The following HTRA1 variants were observed in gnomAD, a reference collection of about 807,000 sequenced individuals.
HTRA1 encodes the protein HtrA serine peptidase 1.
HTRA1 carries 26 observed loss-of-function variants against 49.7 expected under a neutral mutation model. The observed-to-expected ratio is 0.52, with a 90% CI of 0.38 to 0.73. The LOEUF (loss-of-function observed/expected upper bound fraction) is 0.73, where lower values mean the gene tolerates loss of function less well. HTRA1 is among the 30% of genes least tolerant of loss of function. The probability of loss-of-function intolerance (pLI) is 0.00; values close to 1 mark genes in which losing one functional copy is unlikely to be tolerated. For missense variants in HTRA1, 561 were observed against 667.2 expected (o/e 0.84, Z 1.75); for synonymous variants, 291 against 286.9 (o/e 1.01, Z -0.14).
intron 1 of HTRA1, among the ~76,000 whole-genome samples, chr10:122,480,954 A>G (rs2097490724): frequency 6.6e-6 from 1 of 152,168 alleles, no homozygotes; most frequent in Non-Finnish European, 1.5e-5. Flanking sequence ...TAAGATTAAA[A>G]AAAGCTAACT....
chr10:122,480,997 C>G (rs1465705413), intron 1 of HTRA1, among the ~76,000 whole-genome samples: 2 of 152,104 alleles, frequency 1.3e-5, no homozygotes, highest in Non-Finnish European at 2.9e-5. Context: ...AAATGCCCCT[C>G]TCTCCTCCTC....
intron 1 of HTRA1, among the ~76,000 whole-genome samples, chr10:122,485,930 C>A (rs1264224822): frequency 2.0e-5 from 3 of 152,232 alleles, no homozygotes; most frequent in Non-Finnish European, 4.4e-5. Flanking sequence ...TCTGAGGAAG[C>A]CCAGATGCGT....
At chr10:122,471,283 G>A (rs1354523493) in intron 1 of HTRA1, among the ~76,000 whole-genome samples, 1 of 152,116 alleles carries the variant, frequency 6.6e-6, no homozygotes, top group Non-Finnish European at 1.5e-5. Flanking sequence ...AGCAGAAGAC[G>A]CACAGGAGGA....
rs953765734 is a variant in HTRA1 at position 122,508,521 on chromosome 10, G to A, written c.1006-135G>A. On this transcript the variant is annotated intron_variant, in intron 5 of 8. Coordinates refer to ENST00000368984, the MANE Select transcript of HTRA1 (RefSeq NM_002775.5). Reference sequence around the variant, plus strand: ...TGATGCCTCTCTCCCTGCTGCCACGGGGATCCCCTCCTTGCATCTCCCCAC... The same window carrying A: ...TGATGCCTCTCTCCCTGCTGCCACGAGGATCCCCTCCTTGCATCTCCCCAC... 10 of 754,944 alleles carry A rather than the reference G, an allele frequency of 1.3e-5. No homozygotes were observed. The African/African-American group carries it at 1.7e-4, about 13-fold the overall frequency. 46.8% of individuals were successfully genotyped at this position (754,944 alleles called of 1,614,324 possible). A position where few individuals can be genotyped will look rare whatever the true frequency, so the allele number is the denominator to read the frequency against.
At chr10:122,489,327 G>GGT in intron 2 of HTRA1, 95 bp from the exon 3 acceptor site, 2 of 1,143,354 alleles carry the variant, frequency 1.7e-6, no homozygotes, top group Non-Finnish European at 1.3e-6. Context: ...GCGATGGCTA[G>GGT]GTGTGTGTGG....
chr10:122,499,500 A>G (rs1169743149), intron 3 of HTRA1, among the ~76,000 whole-genome samples: 1 of 152,138 alleles, frequency 6.6e-6, no homozygotes, highest in African/African-American at 2.4e-5. Context: ...CCTGCCCCCT[A>G]GTAGCTCAAG....
chr10:122,504,138 C>T (rs985211697), intron 3 of HTRA1, among the ~76,000 whole-genome samples: 1 of 152,308 alleles, frequency 6.6e-6, no homozygotes, highest in East Asian at 1.9e-4. Flanking sequence ...TGGGGAGTAG[C>T]GCCTATGGGC....
At chr10:122,511,919 G>A in intron 7 of HTRA1, 51 bp from the exon 8 acceptor site, 1 of 1,361,986 alleles carries the variant, frequency 7.3e-7, no homozygotes, top group Admixed American at 1.7e-5. Context: ...TTTGCGTGAG[G>A]AAGGCCTGGT....
rs755792929 is a variant in HTRA1 at position 122,514,405 on chromosome 10, G to A, written c.*46G>A. ...TCATGTTTCCCTCAAAGACTCTCCC[G>A]TGGATGACGGATGAGGACTCTGGGC... On this transcript the variant is annotated 3_prime_UTR_variant, in exon 9 of 9. Transcript: ENST00000368984. The A allele has an allele frequency of 8.8e-6, 14 of 1,586,922 alleles. No homozygotes were observed. The highest frequency in any genetic ancestry group is 2.2e-5 in the East Asian group (1 of 44,736).
chr10:122,484,567 G>GCA (rs2097492323), intron 1 of HTRA1, among the ~76,000 whole-genome samples: 1 of 152,246 alleles, frequency 6.6e-6, no homozygotes, highest in Admixed American at 6.5e-5. Flanking sequence ...CCACTGAGCA[G>GCA]CACTGTGGCC....
intron 1 of HTRA1, among the ~76,000 whole-genome samples, chr10:122,474,388 C>A (rs1465484350): frequency 6.6e-6 from 1 of 152,176 alleles, no homozygotes; most frequent in Non-Finnish European, 1.5e-5. Context: ...CTTGGAAGAA[C>A]TGGCTTCTTC....
chr10:122,484,716 C>T (rs974781544), intron 1 of HTRA1, among the ~76,000 whole-genome samples: 2 of 152,220 alleles, frequency 1.3e-5, no homozygotes, highest in African/African-American at 4.8e-5. Flanking sequence ...GAGGCTAACA[C>T]TTGGAGGAGT....
At chr10:122,511,688 G>A (rs564027421) in intron 7 of HTRA1, among the ~76,000 whole-genome samples, 6 of 150,760 alleles carry the variant, frequency 4.0e-5, no homozygotes, top group East Asian at 3.9e-4. Flanking sequence ...AACTGAGATC[G>A]TACCACTGCA....
At position 122,494,971 on chromosome 10, in the gene HTRA1, C is replaced by A. The variant is rs1185295301; in HGVS notation, c.777+5345C>A. ...CAGCTGAGTGAGGGGGTTCAGGCAG[C>A]CCCCCGGGACATGGCAGTGGCGGGG... On this transcript the variant is annotated intron_variant, in intron 3 of 8. Transcript: ENST00000368984. This position sits in a 1 kb window ranked among gnomAD's most constrained non-coding sequence, Gnocchi z 4.0. 6.6e-6 allele frequency among the ~76,000 whole-genome samples: 1 copy of A among 152,044 alleles called. No individual in the cohort carries two copies. The highest frequency in any genetic ancestry group is 2.4e-5 in the African/African-American group (1 of 41,396).
intron 1 of HTRA1, among the ~76,000 whole-genome samples, chr10:122,465,744 G>T (rs2097483512): frequency 6.6e-6 from 1 of 152,184 alleles, no homozygotes; most frequent in African/African-American, 2.4e-5. Context: ...AGAGCCGAGG[G>T]ACTGTAGGAA....
chr10:122,504,060 G>T (rs974095533), intron 3 of HTRA1, among the ~76,000 whole-genome samples: 1 of 152,168 alleles, frequency 6.6e-6, no homozygotes. Context: ...GCTTGCCCAC[G>T]GGGTGCTCTG....
intron 1 of HTRA1, among the ~76,000 whole-genome samples, chr10:122,471,523 A>G (rs2097486140): frequency 6.6e-6 from 1 of 152,212 alleles, no homozygotes; most frequent in Admixed American, 6.5e-5. Context: ...GAAGGACACC[A>G]CTTTACCTGT....
intron 5 of HTRA1, among the ~76,000 whole-genome samples, chr10:122,507,843 C>T (rs1300381954): frequency 6.6e-6 from 1 of 152,216 alleles, no homozygotes; most frequent in Non-Finnish European, 1.5e-5. Flanking sequence ...CCCTTAAGGC[C>T]TGGCTGGAAT....
rs868053530 is a variant in HTRA1, at chr10:122,487,401, G to A, written c.473-1501G>A. On this transcript the variant is annotated intron_variant, in intron 1 of 8. Transcript: ENST00000368984. This position sits in a 1 kb window ranked among gnomAD's most constrained non-coding sequence, Gnocchi z 4.8. ...GGACACACTGCCTCTGCCACCACCC[G>A]TGCCACGAAAATGGGAGCCCAGGAC... Among the ~76,000 whole-genome samples the A allele has an allele frequency of 2.0e-5, 3 of 152,160 alleles. No homozygotes were observed. Among genetic ancestry groups the A allele is most frequent in the Non-Finnish European group, 2.9e-5 (2 of 68,032 alleles).
Sources: allele counts gnomAD v4.1 joint callset (sites outside exome capture counted in the v4.1 genomes callset), GRCh38; gene constraint gnomAD v4.1.1; non-coding constraint Gnocchi (gnomAD v3.1); transcripts MANE v1.5; gene names NCBI Gene and HGNC (gene_info 2026-07-23, HGNC 2026-07-21).